NMNAT3: variants seen among roughly 807,000 people sequenced by gnomAD.
NMNAT3 encodes nicotinamide nucleotide adenylyltransferase 3.
Under a neutral mutation model 24.8 loss-of-function variants are expected in NMNAT3, and 21 were observed. That is an observed-to-expected ratio of 0.85 (90% CI 0.60 to 1.22). The LOEUF is 1.22. Among genes scored for constraint, NMNAT3 ranks in the 50% most tolerant of loss-of-function variants. The pLI is 0.00. For synonymous variants in NMNAT3, 136 were observed against 155.2 expected (o/e 0.88, Z 0.92); for missense variants, 387 against 436.6 (o/e 0.89, Z 1.01).
intron 3 of NMNAT3, among the ~76,000 whole-genome samples, chr3:139,619,475 T>A (rs2055662230): frequency 1.3e-5 from 2 of 152,146 alleles, no homozygotes; most frequent in South Asian, 4.1e-4. Flanking sequence ...TACGCTGTGG[T>A]TATCATGGCC....
At chr3:139,677,420 G>C (rs373345296) in intron 1 of NMNAT3, among the ~76,000 whole-genome samples, 3 of 152,212 alleles carry the variant, frequency 2.0e-5, no homozygotes, top group Non-Finnish European at 2.9e-5. Flanking sequence ...GAGTGCACGA[G>C]TGCTAAAGGT....
chr3:139,672,883 G>A (rs1204094786), intron 1 of NMNAT3, among the ~76,000 whole-genome samples: 1 of 152,122 alleles, frequency 6.6e-6, no homozygotes, highest in Non-Finnish European at 1.5e-5. Flanking sequence ...AATGGGTTTC[G>A]AAGGCAGGCA....
intron 2 of NMNAT3, among the ~76,000 whole-genome samples, chr3:139,629,135 G>A (rs1336180839): frequency 6.6e-6 from 1 of 152,178 alleles, no homozygotes; most frequent in Non-Finnish European, 1.5e-5. Flanking sequence ...GGTTACCAAA[G>A]GCCCCTGGCT....
intron 1 of NMNAT3, among the ~76,000 whole-genome samples, chr3:139,667,383 T>C (rs1402392017): frequency 2.0e-5 from 3 of 152,238 alleles, no homozygotes; most frequent in Admixed American, 6.5e-5. Flanking sequence ...TTCATGTGTC[T>C]GTTGGCCATT....
intron 1 of NMNAT3, among the ~76,000 whole-genome samples, chr3:139,659,393 T>A (rs977195439): frequency 6.6e-6 from 1 of 152,186 alleles, no homozygotes; most frequent in African/African-American, 2.4e-5. Context: ...GAGTAGAGAC[T>A]CCCCAAGTGT....
chr3:139,600,815 G>T (rs912335419), intron 3 of NMNAT3, among the ~76,000 whole-genome samples: 3 of 152,144 alleles, frequency 2.0e-5, no homozygotes, highest in African/African-American at 7.2e-5. Context: ...CCAGAGGAAG[G>T]GGTGCTCCGT....
At chr3:139,652,750 CCT>C (rs1284582572) in intron 1 of NMNAT3, among the ~76,000 whole-genome samples, 1 of 152,216 alleles carries the variant, frequency 6.6e-6, no homozygotes, top group Non-Finnish European at 1.5e-5. Flanking sequence ...TGTCCTGCAG[CCT>C]CTTCCCCTGG....
chr3:139,606,518 T>C (rs2054952467), intron 3 of NMNAT3, among the ~76,000 whole-genome samples: 1 of 152,210 alleles, frequency 6.6e-6, no homozygotes. Flanking sequence ...AAGTTAGTAT[T>C]TCCCCCTGCG....
intron 4 of NMNAT3, chr3:139,582,857 TAA>T: frequency 2.0e-6 from 2 of 986,928 alleles, no homozygotes; most frequent in Non-Finnish European, 1.4e-6. Flanking sequence ...AAATTATCTG[TAA>T]GTTTGAAGTT....
intron 1 of NMNAT3, among the ~76,000 whole-genome samples, chr3:139,648,393 T>C (rs1293738605): frequency 2.0e-5 from 3 of 152,214 alleles, no homozygotes; most frequent in East Asian, 1.9e-4. Flanking sequence ...GACTGATATA[T>C]GTAGGTTAAG....
chr3:139,560,799 G>T lies in NMNAT3; in HGVS notation c.*211C>A. The T allele has an allele frequency of 1.8e-6, 1 of 552,056 alleles. No individual in the cohort carries two copies. The highest frequency in any genetic ancestry group is 4.7e-4 in the Middle Eastern group (1 of 2,120). 34.2% of individuals were successfully genotyped at this position (552,056 alleles called of 1,614,324 possible). ...CCTGCCACACCATTTTAACTTCTTT[G>T]ATAAATGTCTATCCTTGTGATTTAG... On this transcript the variant is annotated 3_prime_UTR_variant, in exon 7 of 7. Transcript: ENST00000643695.
chr3:139,616,137 T>TAGATATCACCAACAAAGCCATTCTCCC (rs1467549975), intron 3 of NMNAT3, among the ~76,000 whole-genome samples: 2 of 152,102 alleles, frequency 1.3e-5, no homozygotes, highest in South Asian at 2.1e-4. Context: ...GCCATTCTCC[T>TAGATATCACCAACAAAGCCATTCTCCC]AGATATCACC....
At chr3:139,587,471 G>A (rs952491611) in intron 3 of NMNAT3, among the ~76,000 whole-genome samples, 2 of 152,216 alleles carry the variant, frequency 1.3e-5, no homozygotes, top group East Asian at 3.9e-4. Context: ...CAGATCCCTC[G>A]GCTAGAAAGT....
chr3:139,633,104 T>C (rs2056363402), intron 2 of NMNAT3, among the ~76,000 whole-genome samples: 3 of 151,940 alleles, frequency 2.0e-5, no homozygotes, highest in African/African-American at 7.3e-5. Flanking sequence ...CCAGGACCTC[T>C]AGAAGGAACG....
chr3:139,653,759 G>A (rs1297160793), intron 1 of NMNAT3, among the ~76,000 whole-genome samples: 4 of 152,130 alleles, frequency 2.6e-5, no homozygotes, highest in Non-Finnish European at 5.9e-5. Flanking sequence ...CAAGCAAACC[G>A]TAGCTGCCTA....
At chr3:139,606,930 T>C (rs2054973483) in intron 3 of NMNAT3, among the ~76,000 whole-genome samples, 1 of 152,142 alleles carries the variant, frequency 6.6e-6, no homozygotes, top group Non-Finnish European at 1.5e-5. Context: ...TCCCATCATT[T>C]AAGCATTTCC....
At chr3:139,572,991 A>G (rs1029741153) in intron 6 of NMNAT3, among the ~76,000 whole-genome samples, 3 of 152,168 alleles carry the variant, frequency 2.0e-5, no homozygotes, top group African/African-American at 7.2e-5. Flanking sequence ...GCTTATTTGC[A>G]TGAGAGCATT....
chr3:139,654,350 G>A (rs928845483), intron 1 of NMNAT3, among the ~76,000 whole-genome samples: 4 of 152,200 alleles, frequency 2.6e-5, no homozygotes, highest in African/African-American at 9.6e-5. Context: ...TAGCAGGCCT[G>A]TGGGCCCACC....
At chr3:139,589,827 T>C (rs1392727725) in intron 3 of NMNAT3, among the ~76,000 whole-genome samples, 1 of 152,224 alleles carries the variant, frequency 6.6e-6, no homozygotes, top group African/African-American at 2.4e-5. Context: ...AAGTATGGCA[T>C]GAAGTTGTGT....
Sources: gnomAD v4.1 joint callset for allele counts (sites outside exome capture counted in the v4.1 genomes callset) on GRCh38, gnomAD v4.1.1 for gene constraint, MANE v1.5 for transcripts, NCBI Gene and HGNC (gene_info 2026-07-23, HGNC 2026-07-21) for gene names.